The following RBFOX1 variants were observed in gnomAD, a reference collection of about 807,000 sequenced individuals.
RBFOX1 encodes the protein RNA binding fox-1 homolog 1.
In RBFOX1, 8 loss-of-function variants were observed where a neutral mutation model predicts 57.7. The ratio of observed to expected loss-of-function variants is 0.14; its 90% CI spans 0.08 to 0.25. The LOEUF (loss-of-function observed/expected upper bound fraction) is 0.25, where lower values mean the gene tolerates loss of function less well. Among genes scored for constraint, RBFOX1 ranks in the 10% least tolerant of loss-of-function variants. RBFOX1 has a pLI of 1.00. For missense variants in RBFOX1, 611 were observed against 548.5 expected (o/e 1.11, Z -1.14); for synonymous variants, 326 against 222.4 (o/e 1.47, Z -4.15).
intron 3 of RBFOX1, among the ~76,000 whole-genome samples, chr16:6,970,400 C>T (rs774508653): frequency 8.5e-5 from 13 of 152,270 alleles, no homozygotes; most frequent in Admixed American, 3.9e-4. Context: ...CTTAATGTTT[C>T]ACTGACTTAG....
chr16:6,701,555 C>G (rs1465352756), intron 3 of RBFOX1, among the ~76,000 whole-genome samples: 1 of 152,148 alleles, frequency 6.6e-6, no homozygotes, highest in Non-Finnish European at 1.5e-5. Context: ...GCTTCTATTT[C>G]TGGTGGAAGG....
chr16:6,823,249 T>A (rs984351925), intron 3 of RBFOX1, among the ~76,000 whole-genome samples: 1 of 151,712 alleles, frequency 6.6e-6, no homozygotes, highest in Middle Eastern at 3.5e-3. Context: ...TGTTTTGTTT[T>A]CTTTTTTTTT....
At chr16:7,395,096 T>C (rs1378784581) in intron 4 of RBFOX1, among the ~76,000 whole-genome samples, 1 of 152,206 alleles carries the variant, frequency 6.6e-6, no homozygotes, top group Non-Finnish European at 1.5e-5. Context: ...CAATTTTTTT[T>C]TCTCTTGAGT....
At chr16:6,182,713 C>A (rs1265243963) in intron 1 of RBFOX1, among the ~76,000 whole-genome samples, 2 of 152,058 alleles carry the variant, frequency 1.3e-5, no homozygotes, top group East Asian at 1.9e-4. Context: ...ATTCTGACCA[C>A]CTGTGGACAT....
chr16:7,516,135 A>G (rs745457354), intron 4 of RBFOX1, among the ~76,000 whole-genome samples: 11 of 152,142 alleles, frequency 7.2e-5, no homozygotes, highest in Admixed American at 7.2e-4. Flanking sequence ...ATGAGGCAAC[A>G]TGCCCACCCT....
chr16:5,874,877 T>C (rs2057565260), intron 4 of RBFOX1, among the ~76,000 whole-genome samples: 1 of 152,050 alleles, frequency 6.6e-6, no homozygotes, highest in Admixed American at 6.6e-5. Context: ...ACCCAGGAGT[T>C]TGAGGCTGCA....
chr16:5,425,537 T>C (rs2067533086), intron 1 of RBFOX1, among the ~76,000 whole-genome samples: 2 of 152,306 alleles, frequency 1.3e-5, no homozygotes, highest in Admixed American at 6.5e-5. Context: ...ATTTACCAAA[T>C]TGGGCCATCG....
chr16:6,886,762 C>G (rs200349636), intron 3 of RBFOX1, among the ~76,000 whole-genome samples: 1 of 39,784 alleles, frequency 2.5e-5, no homozygotes. Flanking sequence ...CTGAAAAAAA[C>G]AAAAACAAAA....
intron 2 of RBFOX1, among the ~76,000 whole-genome samples, chr16:5,576,002 T>C (rs928943457): frequency 2.0e-4 from 31 of 152,284 alleles, no homozygotes; most frequent in Admixed American, 2.0e-3. Flanking sequence ...TTTTTCTTTT[T>C]TTGGGACAGA....
chr16:7,411,045 A>T (rs1375923738), intron 4 of RBFOX1, among the ~76,000 whole-genome samples: 1 of 152,104 alleles, frequency 6.6e-6, no homozygotes, highest in Non-Finnish European at 1.5e-5. Context: ...TCTTGAGTTT[A>T]AGCAATTCTT....
At chr16:6,488,467 G>C (rs926394784) in intron 2 of RBFOX1, among the ~76,000 whole-genome samples, 1 of 152,138 alleles carries the variant, frequency 6.6e-6, no homozygotes, top group Admixed American at 6.5e-5. Context: ...ATTGGACGAG[G>C]AGCTCCTGTG....
chr16:5,547,139 T>C (rs572887129), intron 2 of RBFOX1, among the ~76,000 whole-genome samples: 2 of 152,326 alleles, frequency 1.3e-5, no homozygotes, highest in East Asian at 3.9e-4. Flanking sequence ...GGAACTCTCA[T>C]ACATTGCTTA....
At chr16:7,375,474 C>A (rs560303866) in intron 4 of RBFOX1, among the ~76,000 whole-genome samples, 3 of 151,626 alleles carry the variant, frequency 2.0e-5, no homozygotes, top group African/African-American at 7.3e-5. Context: ...CTGCATTGGG[C>A]TCCCATGTGT....
intron 1 of RBFOX1, among the ~76,000 whole-genome samples, chr16:6,232,513 G>T (rs2097471272): frequency 6.6e-6 from 1 of 152,136 alleles, no homozygotes. Flanking sequence ...TGTTATGTGT[G>T]ATCGTTTCTG....
chr16:7,487,877 T>A lies in RBFOX1; in HGVS notation c.28-30270T>A, dbSNP rs183927551. On this transcript the variant is annotated intron_variant, in intron 4 of 15. Coordinates refer to ENST00000550418, the MANE Select transcript of RBFOX1 (RefSeq NM_018723.4). ...TTAATGAAGGCCTTTTAACAGTCAATCTCAATTCCAAGGAAAAGCAAATCT... is the reference window on the plus strand; with the variant it reads ...TTAATGAAGGCCTTTTAACAGTCAAACTCAATTCCAAGGAAAAGCAAATCT... 3.3e-5 allele frequency among the ~76,000 whole-genome samples: 5 copies of A among 152,246 alleles called. No homozygotes were observed. In the East Asian group the frequency reaches 9.7e-4, roughly 29 times the overall value.
chr16:6,755,227 G>A (rs1425379187), intron 3 of RBFOX1, among the ~76,000 whole-genome samples: 1 of 152,162 alleles, frequency 6.6e-6, no homozygotes, highest in Non-Finnish European at 1.5e-5. Context: ...CCCAGTAATG[G>A]GATGGCTGGG....
At chr16:5,496,203 G>A (rs983496758) in intron 2 of RBFOX1, among the ~76,000 whole-genome samples, 2 of 152,190 alleles carry the variant, frequency 1.3e-5, no homozygotes, top group African/African-American at 4.8e-5. Context: ...TCTCTCGAGT[G>A]CACCTCCAAT....
chr16:7,550,056 A>C (rs1226105971), intron 5 of RBFOX1, among the ~76,000 whole-genome samples: 1 of 152,044 alleles, frequency 6.6e-6, no homozygotes, highest in African/African-American at 2.4e-5. Flanking sequence ...CAGCCTCCCT[A>C]GTAGCTGGGA....
chr16:6,802,609 C>T (rs1197071074), intron 3 of RBFOX1, among the ~76,000 whole-genome samples: 5 of 152,044 alleles, frequency 3.3e-5, no homozygotes, highest in African/African-American at 7.2e-5. Flanking sequence ...CCTGGGTGGC[C>T]GAGATTGCAG....
Sources: allele counts gnomAD v4.1 joint callset (sites outside exome capture counted in the v4.1 genomes callset), GRCh38; gene constraint gnomAD v4.1.1; transcripts MANE v1.5; gene names NCBI Gene and HGNC (gene_info 2026-07-23, HGNC 2026-07-21).